The following OPA1 variants were observed in gnomAD, a reference collection of about 807,000 sequenced individuals.
The protein encoded by OPA1 is OPA1 mitochondrial dynamin like GTPase.
Under a neutral mutation model 152.9 loss-of-function variants are expected in OPA1, and 59 were observed. That is an observed-to-expected ratio of 0.39 (90% CI 0.31 to 0.48). The LOEUF (loss-of-function observed/expected upper bound fraction) is 0.48. Ranked by LOEUF, OPA1 falls within the 20% of genes least tolerant of loss-of-function variation. The probability of loss-of-function intolerance (pLI) is 0.96; values close to 1 mark genes in which losing one functional copy is unlikely to be tolerated. For synonymous variants in OPA1, 400 were observed against 389.9 expected, an observed-to-expected ratio of 1.03 and a Z score of -0.31; for missense variants, 1,008 against 1,216.8, an observed-to-expected ratio of 0.83 and a Z score of 2.55.
At chr3:193,621,583 T>C (rs1456316087) in intron 6 of OPA1, among the ~76,000 whole-genome samples, 2 of 152,242 alleles carry the variant, frequency 1.3e-5, no homozygotes, top group East Asian at 1.9e-4. Context: ...ATTTATGTCA[T>C]GTTGATCAAA....
intron 29 of OPA1, among the ~76,000 whole-genome samples, chr3:193,676,979 CAAAAAA>C (rs151218523): frequency 9.9e-5 from 7 of 70,832 alleles, no homozygotes; most frequent in Non-Finnish European, 1.3e-4. Context: ...AGACTCGTCT[CAAAAAA>C]AAAAAAAAAA....
chr3:193,615,070 A>G, intron 2 of OPA1, 29 bp downstream of exon 2: 1 of 1,523,544 alleles, frequency 6.6e-7, no homozygotes, highest in East Asian at 2.3e-5. Context: ...CTGGTTTTCC[A>G]ATTATTATAT....
rs549213088 is a variant in OPA1 at position 193,614,860 on chromosome 3, C to T, written c.170C>T (p.Thr57Ile). ...AAGCTTCAACGACCCCAATTAAGGA[C>T]ATCCTTTCAGCAGTTCTCTTCTCTG... is the stretch of plus-strand genomic sequence containing the variant. ...TLKLQRPQLRTSFQQFSSLTN... is the reference protein window; with the variant it reads ...TLKLQRPQLRISFQQFSSLTN... Residue 57 changes from threonine to isoleucine, a missense_variant, in exon 2 of 31, where the codon ACA (threonine) becomes ATA (isoleucine). Thr to Ile is a moderately conservative substitution (Grantham distance 89). Transcript: ENST00000361510. 6.2e-6 allele frequency: 10 copies of T among 1,614,022 alleles called. 1 individual carries two copies. The highest frequency in any genetic ancestry group is 4.0e-5 in the African/African-American group (3 of 75,060).
intron 23 of OPA1, among the ~76,000 whole-genome samples, chr3:193,658,246 C>CAAA (rs10544016): frequency 1.0e-5 from 1 of 96,558 alleles, no homozygotes; most frequent in African/African-American, 3.6e-5. Flanking sequence ...ACTCCGTTTT[C>CAAA]AAAAAAAAAA....
chr3:193,667,773 T>C (rs1250673348), intron 29 of OPA1, among the ~76,000 whole-genome samples: 1 of 151,988 alleles, frequency 6.6e-6, no homozygotes, highest in East Asian at 1.9e-4. Context: ...AGTAGGTTCA[T>C]GTATAGTTCT....
At chr3:193,677,826 G>A (rs6764597) in intron 29 of OPA1, among the ~76,000 whole-genome samples, 6,321 of 152,264 alleles carry the variant, frequency 0.042, 457 homozygotes, top group African/African-American at 0.14. Context: ...TATCTTAAAA[G>A]TAACAGATAT....
intron 11 of OPA1, among the ~76,000 whole-genome samples, chr3:193,641,790 G>C (rs1346014765): frequency 6.6e-6 from 1 of 152,230 alleles, no homozygotes; most frequent in Non-Finnish European, 1.5e-5. Flanking sequence ...AGAAGTTCTT[G>C]TGAAACCACT....
At chr3:193,615,976 G>A (rs989317520) in intron 3 of OPA1, among the ~76,000 whole-genome samples, 1 of 152,110 alleles carries the variant, frequency 6.6e-6, no homozygotes, top group Non-Finnish European at 1.5e-5. Context: ...ACTGTTTGGA[G>A]CATTTTCTTT....
In OPA1 at chr3:193,697,699, A is replaced by G. The variant is rs1722368283; in HGVS notation, c.*3099A>G. 2 of 152,210 alleles carry G rather than the reference A, an allele frequency of 1.3e-5. No homozygotes were observed. Among genetic ancestry groups the G allele is most frequent in the African/African-American group, 2.4e-5 (1 of 41,452 alleles). The allele number at this position is 152,210 out of a possible 1,614,324, so 9.4% of individuals were successfully genotyped here. On this transcript the variant is annotated 3_prime_UTR_variant, in exon 31 of 31. Coordinates refer to ENST00000361510, the MANE Select transcript of OPA1 (RefSeq NM_130837.3). ...AATGCTTGAATTTCACATGCCTTGC[A>G]TTTCACAGTTGTACTCCATGGTCAA...
intron 21 of OPA1, among the ~76,000 whole-genome samples, 166 bp from the exon 22 acceptor site, chr3:193,654,696 C>T (rs1019443036): frequency 3.3e-5 from 5 of 151,968 alleles, no homozygotes; most frequent in Admixed American, 2.0e-4. Flanking sequence ...ATGATGGATG[C>T]GTTCATTATC....
rs747996365 is a variant in OPA1, at chr3:193,618,986, A to G, written c.678+50A>G. The G allele has an allele frequency of 1.8e-5, 26 of 1,447,226 alleles. 1 individual carries two copies. The South Asian group carries it at 2.4e-4, about 13-fold the overall frequency. The allele number at this position is 1,447,226 out of a possible 1,614,324, so 89.6% of individuals were successfully genotyped here. ...TGTAGGTAGTCTTGAAAGATTTTTT[A>G]AAGTTTTTACTTCTTTGGAAGATTT... On this transcript the variant is annotated intron_variant, in intron 6 of 30. Coordinates refer to ENST00000361510, the MANE Select transcript of OPA1 (RefSeq NM_130837.3).
At chr3:193,655,513 A>C (rs1713586575) in intron 22 of OPA1, among the ~76,000 whole-genome samples, 1 of 152,118 alleles carries the variant, frequency 6.6e-6, no homozygotes, top group Admixed American at 6.6e-5. Context: ...ACAAAAAACT[A>C]CCTTAAAGAA....
rs190724611 is a variant in OPA1 at position 193,623,289 on chromosome 3, A to G, written c.679-2803A>G. On this transcript the variant is annotated intron_variant, in intron 6 of 30. Transcript: ENST00000361510. ...TCACATTGTGAGGCTAGGTTTCAAC[A>G]TATGAATTGTGGGAGACAAAAATTC... is the stretch of plus-strand genomic sequence containing the variant. 4.0e-3 allele frequency among the ~76,000 whole-genome samples: 607 copies of G among 152,300 alleles called. 6 individuals carry two copies. The highest frequency in any genetic ancestry group is 0.014 in the African/African-American group (584 of 41,560).
intron 1 of OPA1, among the ~76,000 whole-genome samples, chr3:193,610,928 G>C (rs1728133845): frequency 6.6e-6 from 1 of 152,216 alleles, no homozygotes; most frequent in Non-Finnish European, 1.5e-5. Flanking sequence ...TCCAGGTGCT[G>C]TCTGTCACCC....
At chr3:193,679,686 T>C (rs1719814283) in intron 29 of OPA1, among the ~76,000 whole-genome samples, 1 of 152,176 alleles carries the variant, frequency 6.6e-6, no homozygotes, top group Admixed American at 6.5e-5. Flanking sequence ...TTCATATAAT[T>C]TGGCTTCTTT....
chr3:193,618,227 C>T (rs1264861377), intron 5 of OPA1, among the ~76,000 whole-genome samples: 1 of 151,984 alleles, frequency 6.6e-6, no homozygotes, highest in Admixed American at 6.6e-5. Flanking sequence ...GCCTGTAATC[C>T]CAGCATTTTG....
In OPA1 at chr3:193,635,532, G is replaced by A. The variant is rs112827399; in HGVS notation, c.948+10G>A. ...TCATAGAAAGCTTAAGGTATTCTAA[G>A]TTTGTCTTGTTTATTCTCAAAATTT... On this transcript the variant is annotated intron_variant, in intron 9 of 30. Coordinates refer to ENST00000361510, the MANE Select transcript of OPA1 (RefSeq NM_130837.3). 9.9e-6 allele frequency: 15 copies of A among 1,507,798 alleles called. No individual in the cohort carries two copies. The highest frequency in any genetic ancestry group is 4.1e-5 in the African/African-American group (3 of 72,964). The allele number at this position is 1,507,798 out of a possible 1,614,324, so 93.4% of individuals were successfully genotyped here.
chr3:193,604,144 A>G (rs1318844902), intron 1 of OPA1, among the ~76,000 whole-genome samples: 1 of 152,226 alleles, frequency 6.6e-6, no homozygotes, highest in Non-Finnish European at 1.5e-5. Context: ...CTTTTAAACA[A>G]TTAGGATATG....
intron 6 of OPA1, among the ~76,000 whole-genome samples, chr3:193,625,777 A>T (rs1352034184): frequency 7.3e-6 from 1 of 137,926 alleles, no homozygotes; most frequent in Non-Finnish European, 1.6e-5. Context: ...CAACACTGTT[A>T]AAAAAAAAAA....
Sources: gnomAD v4.1 joint callset for allele counts (sites outside exome capture counted in the v4.1 genomes callset) on GRCh38, gnomAD v4.1.1 for gene constraint, MANE v1.5 for transcripts, NCBI Gene and HGNC (gene_info 2026-07-23, HGNC 2026-07-21) for gene names.